IFT74: variants seen among roughly 807,000 people sequenced by gnomAD.
The protein encoded by IFT74 is intraflagellar transport 74.
Under a neutral mutation model 96.7 loss-of-function variants are expected in IFT74, and 92 were observed. That is an observed-to-expected ratio of 0.95 (90% confidence interval 0.80 to 1.13). IFT74 has a LOEUF of 1.13. IFT74 is among the 50% of genes most tolerant of loss of function. The pLI, the probability that IFT74 is intolerant of heterozygous loss-of-function variation, is 0.00. For missense variants in IFT74, 811 were observed against 698.2 expected, an observed-to-expected ratio of 1.16 and a Z score of -1.82; for synonymous variants, 223 against 213.2, an observed-to-expected ratio of 1.05 and a Z score of -0.40.
In IFT74 at chr9:27,012,708, GTTTTTT is replaced by G. The variant is rs772920018; in HGVS notation, c.789+762_789+767del. ...GAACAAGAGGAAAGTAAAAATGTCTGTTTTTTTTTTTTTTTTTTTTTTTTTTTAGAC... is the reference window on the plus strand; with the variant it reads ...GAACAAGAGGAAAGTAAAAATGTCTGTTTTTTTTTTTTTTTTTTTTTAGAC... On this transcript the variant is annotated intron_variant, in intron 10 of 19. Coordinates refer to ENST00000380062, the MANE Select transcript of IFT74 (RefSeq NM_025103.4). Among the ~76,000 whole-genome samples, 19 of 53,874 alleles carry G rather than the reference GTTTTTT, an allele frequency of 3.5e-4. No homozygotes were observed. In the East Asian group the frequency reaches 0.012, roughly 34 times the overall value. 35.3% of individuals were successfully genotyped at this position (53,874 alleles called of 152,430 possible). A position where few individuals can be genotyped will look rare whatever the true frequency, so the allele number is the denominator to read the frequency against.
At chr9:26,947,161 G>C (rs1312838352) in intron 1 of IFT74, 7 of 1,223,820 alleles carry the variant, frequency 5.7e-6, no homozygotes, top group Admixed American at 3.4e-5. Context: ...GGGGCGGCCG[G>C]AGACCGGAAG....
rs1432648656 is a variant in IFT74 at position 27,012,735 on chromosome 9, T to TTTTA, written c.789+767_789+768insTTTA. On this transcript the variant is annotated intron_variant, in intron 10 of 19. Coordinates refer to ENST00000380062, the MANE Select transcript of IFT74 (RefSeq NM_025103.4). ...TTTTTTTTTTTTTTTTTTTTTTTTT[T>TTTTA]AGACAGAGTATCGCTCTGTTGCCCA... Among the ~76,000 whole-genome samples the TTTTA allele has an allele frequency of 6.8e-3, 809 of 118,142 alleles. 40 individuals are homozygous for TTTTA. The highest frequency in any genetic ancestry group is 0.026 in the African/African-American group (774 of 29,796). 77.5% of individuals were successfully genotyped at this position (118,142 alleles called of 152,430 possible).
At chr9:26,982,532 C>A in intron 4 of IFT74, 1 of 281,042 alleles carries the variant, frequency 3.6e-6, no homozygotes. Context: ...TCTCTGGCAC[C>A]GCAACCTCCG....
At chr9:27,001,942 CT>C (rs35725614) in intron 8 of IFT74, among the ~76,000 whole-genome samples, 4,154 of 144,906 alleles carry the variant, frequency 0.029, 194 homozygotes, top group African/African-American at 0.097. Context: ...CTTTTTTTCT[CT>C]TTTTTTTTTT....
At chr9:26,955,454 C>G (rs182645580), upstream of IFT74, among the ~76,000 whole-genome samples, 152 of 152,210 alleles carry the variant, frequency 1.0e-3, no homozygotes, top group Non-Finnish European at 1.8e-3. Flanking sequence ...ATACTCATGT[C>G]CCAGTAATAA....
At chr9:27,047,392 T>C in intron 15 of IFT74, 21 bp downstream of exon 15, 1 of 1,439,102 alleles carries the variant, frequency 6.9e-7, no homozygotes, top group Non-Finnish European at 9.6e-7. Context: ...TGTGCCTGTC[T>C]TGGTGTCCTC....
chr9:26,995,354 C>G (rs1828087630), intron 8 of IFT74: 3 of 542,490 alleles, frequency 5.5e-6, no homozygotes, highest in South Asian at 4.5e-5. Flanking sequence ...TGTATTTGAA[C>G]CTGCTTGCTC....
intron 19 of IFT74, chr9:27,061,021 T>C (rs1820397585): frequency 3.8e-6 from 1 of 262,278 alleles, no homozygotes; most frequent in South Asian, 4.0e-5. Flanking sequence ...GAGTTATTTT[T>C]TTCTAGGAAT....
In IFT74 at chr9:26,970,662, T is replaced by C. The variant is rs190232427; in HGVS notation, c.121-7466T>C. On this transcript the variant is annotated intron_variant, in intron 2 of 19. Transcript: ENST00000380062. ...CATTTACCAGGAAGAGATATAACAT[T>C]GTCTTCTAAAGATCACTCGGGTTAA... 3.1e-3 allele frequency among the ~76,000 whole-genome samples: 471 copies of C among 152,366 alleles called. 1 individual carries two copies. Among genetic ancestry groups the C allele is most frequent in the South Asian group, 8.3e-3 (40 of 4,832 alleles).
intron 7 of IFT74, among the ~76,000 whole-genome samples, 170 bp from the exon 8 acceptor site, chr9:26,989,964 G>A (rs2131552457): frequency 6.6e-6 from 1 of 152,168 alleles, no homozygotes; most frequent in Admixed American, 6.5e-5. Context: ...TTAAAAATCT[G>A]ATATTGTTTG....
intron 11 of IFT74, among the ~76,000 whole-genome samples, chr9:27,017,319 C>T (rs1003950359): frequency 1.3e-5 from 2 of 152,090 alleles, no homozygotes; most frequent in Non-Finnish European, 2.9e-5. Context: ...AGCTGCTGGC[C>T]TCAAGTGATC....
chr9:27,040,333 T>A (rs938248757), intron 13 of IFT74, among the ~76,000 whole-genome samples: 2 of 151,878 alleles, frequency 1.3e-5, no homozygotes, highest in African/African-American at 4.8e-5. Flanking sequence ...GGGGGATCAC[T>A]TGAGGTCAGA....
At chr9:26,973,781 A>G (rs549432854) in intron 2 of IFT74, among the ~76,000 whole-genome samples, 4 of 152,264 alleles carry the variant, frequency 2.6e-5, no homozygotes, top group Non-Finnish European at 5.9e-5. Flanking sequence ...GAGTGAGACA[A>G]ACAGAGGAGT....
chr9:26,991,215 A>G (rs1396199862), intron 8 of IFT74, among the ~76,000 whole-genome samples: 1 of 152,216 alleles, frequency 6.6e-6, no homozygotes, highest in Non-Finnish European at 1.5e-5. Flanking sequence ...TATTGATTAA[A>G]AACAAGAATC....
At chr9:26,978,052 T>C in intron 2 of IFT74, 76 bp from the exon 3 acceptor site, 1 of 1,322,040 alleles carries the variant, frequency 7.6e-7, no homozygotes, top group Non-Finnish European at 1.0e-6. Context: ...TAAAAAATTG[T>C]CTTTGCAGTT....
At chr9:27,044,833 T>C in intron 14 of IFT74, 38 bp downstream of exon 14, 1 of 1,210,068 alleles carries the variant, frequency 8.3e-7, no homozygotes, top group Non-Finnish European at 1.2e-6. Context: ...ATATAATATT[T>C]TCAGATTGCT....
chr9:27,050,761 G>A (rs1275899165), intron 16 of IFT74, among the ~76,000 whole-genome samples: 1 of 150,082 alleles, frequency 6.7e-6, no homozygotes, highest in Non-Finnish European at 1.5e-5. Flanking sequence ...AGGAGGGATA[G>A]CATTAGGAGG....
chr9:26,972,048 C>A (rs1478770426), intron 2 of IFT74, among the ~76,000 whole-genome samples: 1 of 152,044 alleles, frequency 6.6e-6, no homozygotes, highest in Admixed American at 6.5e-5. Flanking sequence ...TAAGTGTCAC[C>A]CTGTCTTGAA....
At chr9:27,018,535 GA>G (rs1829458226) in intron 11 of IFT74, 111 bp from the exon 12 acceptor site, 1 of 483,982 alleles carries the variant, frequency 2.1e-6, no homozygotes. Context: ...TTTCAAGAAA[GA>G]GAGTAGATTT....
Sources: gnomAD v4.1 joint callset for allele counts (sites outside exome capture counted in the v4.1 genomes callset) on GRCh38, gnomAD v4.1.1 for gene constraint, MANE v1.5 for transcripts, NCBI Gene and HGNC (gene_info 2026-07-23, HGNC 2026-07-21) for gene names.